PCDHA5: variants seen among roughly 807,000 people sequenced by gnomAD.
The protein encoded by PCDHA5 is protocadherin alpha 5, also known as protocadherin alpha-5.
A neutral mutation model predicts 61.6 loss-of-function variants in PCDHA5; 43 were observed. The ratio of observed to expected loss-of-function variants is 0.70; its 90% CI spans 0.55 to 0.90. PCDHA5 has a LOEUF of 0.90. Among genes scored for constraint, PCDHA5 ranks in the 40% least tolerant of loss-of-function variants. The pLI, the probability that PCDHA5 is intolerant of heterozygous loss-of-function variation, is 0.00. For missense variants in PCDHA5, 1,298 were observed against 1,222.7 expected (o/e 1.06, Z -0.92); for synonymous variants, 627 against 543.9 (o/e 1.15, Z -2.13).
rs2150328555 is a variant in PCDHA5 at position 140,842,062 on chromosome 5, C to T, written c.2352+17935C>T. ...CTCCCACTTTCGAACAGTCTGAATA[C>T]GAAGTAAGAATATTCGAAAACGCAG... On this transcript the variant is annotated intron_variant, in intron 1 of 3. Coordinates refer to ENST00000529859, the MANE Select transcript of PCDHA5 (RefSeq NM_018908.3). 5 of 1,613,774 alleles carry T rather than the reference C, an allele frequency of 3.1e-6. No individual in the cohort carries two copies. The African/African-American group carries it at 6.7e-5, about 22-fold the overall frequency.
intron 1 of PCDHA5, among the ~76,000 whole-genome samples, chr5:140,940,840 A>T (rs1554213622): frequency 2.0e-5 from 3 of 152,222 alleles, no homozygotes; most frequent in Non-Finnish European, 1.5e-5. Context: ...ACCTTTCTTC[A>T]CGATAGATTT....
intron 1 of PCDHA5, chr5:140,843,183 C>T: frequency 6.3e-7 from 1 of 1,596,024 alleles, no homozygotes; most frequent in Non-Finnish European, 8.6e-7. Context: ...CCTCGCATCC[C>T]GTTCCGCGTG....
intron 2 of PCDHA5, among the ~76,000 whole-genome samples, chr5:140,981,928 T>A (rs141616160): frequency 6.6e-6 from 1 of 152,202 alleles, no homozygotes; most frequent in African/African-American, 2.4e-5. Context: ...GTTTCTCTAG[T>A]CTCAGGAAAT....
rs1769592683 is a variant in PCDHA5 at position 140,828,186 on chromosome 5, A to G, written c.2352+4059A>G. 3.1e-6 allele frequency: 5 copies of G among 1,614,002 alleles called. No individual in the cohort carries two copies. In the South Asian group the frequency reaches 3.3e-5, roughly 11 times the overall value. On this transcript the variant is annotated intron_variant, in intron 1 of 3. Coordinates refer to ENST00000529859, the MANE Select transcript of PCDHA5 (RefSeq NM_018908.3). ...TGGAAGGTGGGGAGCGGCCAGCTCC[A>G]CTACTCCGTACCCGAGGAGGCCAAA... is the stretch of plus-strand genomic sequence containing the variant.
At position 140,965,675 on chromosome 5, in the gene PCDHA5, A is replaced by G. The variant is rs1049081993; in HGVS notation, c.2353-13274A>G. ...AAATGTCTTGGGTGATAAATGTAAA[A>G]GATTTGAAGCAAGATTAGAAAAAGC... On this transcript the variant is annotated intron_variant, in intron 1 of 3. Transcript: ENST00000529859. Among the ~76,000 whole-genome samples, 4 of 152,350 alleles carry G rather than the reference A, an allele frequency of 2.6e-5. No homozygotes were observed. The East Asian group carries it at 7.7e-4, about 29-fold the overall frequency.
intron 1 of PCDHA5, among the ~76,000 whole-genome samples, chr5:140,889,132 G>C (rs1338926841): frequency 6.6e-6 from 1 of 151,438 alleles, no homozygotes; most frequent in Non-Finnish European, 1.5e-5. Context: ...ATATGTCCTA[G>C]TTTTTCTTCC....
intron 1 of PCDHA5, among the ~76,000 whole-genome samples, chr5:140,949,698 T>G (rs188313112): frequency 6.6e-6 from 1 of 151,984 alleles, no homozygotes; most frequent in African/African-American, 2.4e-5. Flanking sequence ...TTGTTGGATC[T>G]TGCTGTTTTA....
chr5:140,934,704 T>C (rs185443398), intron 1 of PCDHA5, among the ~76,000 whole-genome samples: 134 of 152,288 alleles, frequency 8.8e-4, no homozygotes, highest in Non-Finnish European at 1.6e-3. Context: ...TTCCTGGCCA[T>C]CTTACAAAAA....
At chr5:140,986,940 G>A (rs1371744170) in intron 3 of PCDHA5, among the ~76,000 whole-genome samples, 1 of 152,280 alleles carries the variant, frequency 6.6e-6, no homozygotes, top group South Asian at 2.1e-4. Flanking sequence ...GAGGCTGGGT[G>A]TGGTCGCTCA....
At chr5:140,882,823 T>C (rs2059326985) in intron 1 of PCDHA5, 1 of 1,614,160 alleles carries the variant, frequency 6.2e-7, no homozygotes, top group Non-Finnish European at 8.5e-7. Flanking sequence ...CACAAAACAG[T>C]CTTGAGCAAA....
At chr5:140,829,541 G>C in intron 1 of PCDHA5, 1 of 1,613,068 alleles carries the variant, frequency 6.2e-7, no homozygotes. Flanking sequence ...AGACGCGGAC[G>C]CGCAGGAGAA....
intron 1 of PCDHA5, among the ~76,000 whole-genome samples, chr5:140,896,328 A>G (rs1157543991): frequency 6.6e-6 from 1 of 152,138 alleles, no homozygotes; most frequent in Non-Finnish European, 1.5e-5. Flanking sequence ...CACAGTGGCT[A>G]AACTAATTTA....
chr5:140,908,256 A>G (rs192899359), intron 1 of PCDHA5, among the ~76,000 whole-genome samples: 9 of 152,248 alleles, frequency 5.9e-5, no homozygotes, highest in Non-Finnish European at 1.0e-4. Flanking sequence ...AACTGATCAT[A>G]GGGAACTCCC....
chr5:140,967,119 T>C lies in PCDHA5; in HGVS notation c.2353-11830T>C, dbSNP rs374670692. 97 of 1,612,790 alleles carry C rather than the reference T, an allele frequency of 6.0e-5. No homozygotes were observed. The highest frequency in any genetic ancestry group is 8.1e-5 in the Non-Finnish European group (95 of 1,179,410). The stretch of plus-strand genomic sequence containing the variant: ...CTGTGTGAGCAGCGGCCTCGCTGCC[T>C]GCTCAGCTTGGAAGTGCTGGCGCAC... On this transcript the variant is annotated intron_variant, in intron 1 of 3. Transcript: ENST00000529859.
At chr5:140,863,914 T>C (rs2048229981) in intron 1 of PCDHA5, 1 of 162,444 alleles carries the variant, frequency 6.2e-6, no homozygotes, top group Non-Finnish European at 1.4e-5. Context: ...GGCACAAGAA[T>C]TGCTTGAACC....
At chr5:140,864,945 C>G (rs2048665503) in intron 1 of PCDHA5, 1 of 152,120 alleles carries the variant, frequency 6.6e-6, no homozygotes, top group Non-Finnish European at 1.5e-5. Flanking sequence ...GGCCTGTAAT[C>G]CCAGCATTTT....
At chr5:140,862,316 C>G (rs2047308112) in intron 1 of PCDHA5, 1 of 317,936 alleles carries the variant, frequency 3.1e-6, no homozygotes, top group Non-Finnish European at 6.2e-6. Context: ...CGTCATAGCC[C>G]TAATCAGTGT....
At chr5:140,927,973 C>G (rs77078209) in intron 1 of PCDHA5, 1 of 1,614,216 alleles carries the variant, frequency 6.2e-7, no homozygotes, top group Non-Finnish European at 8.5e-7. Context: ...AGTGATTGCT[C>G]TCTTTAGTGT....
chr5:140,832,690 A>G (rs1294300661), intron 1 of PCDHA5, among the ~76,000 whole-genome samples: 2 of 152,206 alleles, frequency 1.3e-5, no homozygotes, highest in East Asian at 3.8e-4. Context: ...AATTAACAAG[A>G]CCTGGCTTCA....
Sources: gnomAD v4.1 joint callset for allele counts (sites outside exome capture counted in the v4.1 genomes callset) on GRCh38, gnomAD v4.1.1 for gene constraint, MANE v1.5 for transcripts, NCBI Gene and HGNC (gene_info 2026-07-23, HGNC 2026-07-21) for gene names.